TTLL7: variants seen among roughly 807,000 people sequenced by gnomAD.
TTLL7 encodes tubulin tyrosine ligase like 7.
In TTLL7, 53 loss-of-function variants were observed where a neutral mutation model predicts 120.2. The ratio of observed to expected loss-of-function variants is 0.44; its 90% CI spans 0.35 to 0.55. TTLL7 has a LOEUF of 0.55. Among genes scored for constraint, TTLL7 ranks in the 20% least tolerant of loss-of-function variants. TTLL7 has a pLI of 0.00. For synonymous variants in TTLL7, 353 were observed against 351.7 expected (o/e 1.00, Z -0.04); for missense variants, 803 against 1,054.7 (o/e 0.76, Z 3.31).
chr1:83,929,648 TC>T (rs1407657228), intron 9 of TTLL7, among the ~76,000 whole-genome samples: 12 of 152,154 alleles, frequency 7.9e-5, no homozygotes, highest in African/African-American at 2.7e-4. Flanking sequence ...ATTATATACA[TC>T]TATATATTTA....
At chr1:83,892,266 A>G (rs1268479415) in intron 18 of TTLL7, among the ~76,000 whole-genome samples, 68 of 111,144 alleles carry the variant, frequency 6.1e-4, no homozygotes, top group Admixed American at 1.4e-3. Context: ...GAATATATAT[A>G]CGAATATATA....
In TTLL7 at chr1:83,883,196, A is replaced by G. The variant is rs1654666735; in HGVS notation, c.2370-60T>C. 3.6e-6 allele frequency: 5 copies of G among 1,401,530 alleles called. No individual in the cohort carries two copies. The Admixed American group carries it at 7.1e-5, about 20-fold the overall frequency. The allele number at this position is 1,401,530 out of a possible 1,614,324, so 86.8% of individuals were successfully genotyped here. On this transcript the variant is annotated intron_variant, in intron 19 of 20. Coordinates refer to ENST00000260505, the MANE Select transcript of TTLL7 (RefSeq NM_024686.6). Reference sequence around the variant, plus strand: ...GCTGTTAAAAATGACAACCAGCTATATATCACTTCCCTAGCAACAAACCAA... The same window carrying G: ...GCTGTTAAAAATGACAACCAGCTATGTATCACTTCCCTAGCAACAAACCAA...
chr1:83,915,039 G>T (rs1217779096), intron 14 of TTLL7, among the ~76,000 whole-genome samples: 1 of 152,144 alleles, frequency 6.6e-6, no homozygotes, highest in Admixed American at 6.5e-5. Flanking sequence ...GCAGGAGAAA[G>T]AAAGAAGGGA....
At chr1:83,990,822 T>C (rs1652928041) in intron 1 of TTLL7, among the ~76,000 whole-genome samples, 1 of 152,190 alleles carries the variant, frequency 6.6e-6, no homozygotes, top group Non-Finnish European at 1.5e-5. Context: ...AACTACCATA[T>C]ACTCCAGCAA....
chr1:83,991,911 C>T (rs1653037788), intron 1 of TTLL7, among the ~76,000 whole-genome samples: 4 of 152,012 alleles, frequency 2.6e-5, no homozygotes, highest in Admixed American at 1.3e-4. Context: ...TATTCTAAGT[C>T]CTTGTAGGTT....
At position 83,867,162 on chromosome 1, in the gene TTLL7, A is replaced by G. The variant is rs922250182; in HGVS notation, c.*2800T>C. The G allele has an allele frequency of 1.3e-5, 2 of 152,016 alleles. No individual in the cohort carries two copies. Among genetic ancestry groups the G allele is most frequent in the African/African-American group, 4.8e-5 (2 of 41,444 alleles). 9.4% of individuals were successfully genotyped at this position (152,016 alleles called of 1,614,324 possible). ...CACCTGTACAATCACTTATGCTTATATGTTTTAACCTATGAATAAAAATTT... is the reference window on the plus strand; with the variant it reads ...CACCTGTACAATCACTTATGCTTATGTGTTTTAACCTATGAATAAAAATTT... On this transcript the variant is annotated 3_prime_UTR_variant, in exon 21 of 21. Coordinates refer to ENST00000260505, the MANE Select transcript of TTLL7 (RefSeq NM_024686.6).
At chr1:83,944,119 G>T (rs1052311430) in intron 6 of TTLL7, among the ~76,000 whole-genome samples, 1 of 151,236 alleles carries the variant, frequency 6.6e-6, no homozygotes, top group African/African-American at 2.4e-5. Context: ...GGAACAGAAA[G>T]AAAAAAGAAG....
At chr1:83,870,291 A>G (rs1247163641) in intron 20 of TTLL7, among the ~76,000 whole-genome samples, 1 of 152,202 alleles carries the variant, frequency 6.6e-6, no homozygotes, top group Non-Finnish European at 1.5e-5. Flanking sequence ...GCATCCCAAG[A>G]CATCCCATAA....
At chr1:83,889,898 C>T (rs1655303029) in intron 19 of TTLL7, 1 of 456,656 alleles carries the variant, frequency 2.2e-6, no homozygotes, top group Admixed American at 2.4e-5. Context: ...TAAGGGAAGC[C>T]AAGAAAGGAA....
At chr1:83,984,838 G>A (rs1490996120) in intron 1 of TTLL7, among the ~76,000 whole-genome samples, 3 of 152,058 alleles carry the variant, frequency 2.0e-5, no homozygotes, top group African/African-American at 7.2e-5. Context: ...CTCACTAAAT[G>A]GGTTATGGGA....
chr1:83,913,030 G>C (rs1451488603), intron 14 of TTLL7: 2 of 152,126 alleles, frequency 1.3e-5, no homozygotes, highest in South Asian at 2.1e-4. Flanking sequence ...TACATAATGA[G>C]TTATTCGACC....
intron 1 of TTLL7, among the ~76,000 whole-genome samples, chr1:83,956,268 T>A (rs926462750): frequency 2.0e-4 from 30 of 150,368 alleles, no homozygotes; most frequent in Non-Finnish European, 4.0e-4. Flanking sequence ...TTATTATTAT[T>A]TTTATTTATT....
At chr1:83,870,900 ACTT>A (rs769937909) in intron 20 of TTLL7, among the ~76,000 whole-genome samples, 3 of 150,876 alleles carry the variant, frequency 2.0e-5, no homozygotes, top group Non-Finnish European at 4.4e-5. Context: ...CAAGAGTGAG[ACTT>A]CATCTCAAAA....
chr1:83,953,875 T>C (rs987335223), intron 1 of TTLL7, among the ~76,000 whole-genome samples: 2 of 152,162 alleles, frequency 1.3e-5, no homozygotes, highest in Non-Finnish European at 2.9e-5. Flanking sequence ...CCGCAAGATA[T>C]GGCCATATTC....
At chr1:83,976,153 C>T (rs1651468144) in intron 1 of TTLL7, among the ~76,000 whole-genome samples, 1 of 151,284 alleles carries the variant, frequency 6.6e-6, no homozygotes, top group South Asian at 2.1e-4. Flanking sequence ...GAAAGATATT[C>T]GAACTAGAGA....
At chr1:83,911,461 T>C in intron 14 of TTLL7, 98 bp from the exon 15 acceptor site, 1 of 959,540 alleles carries the variant, frequency 1.0e-6, no homozygotes, top group Non-Finnish European at 1.5e-6. Context: ...TGCTTGCTGC[T>C]TTTTACTGAA....
intron 1 of TTLL7, among the ~76,000 whole-genome samples, chr1:83,963,636 T>C (rs976939576): frequency 6.6e-6 from 1 of 152,088 alleles, no homozygotes; most frequent in African/African-American, 2.4e-5. Flanking sequence ...CTTACATGTT[T>C]CCTCCATGAG....
rs1162787640 is a variant in TTLL7 at position 83,917,625 on chromosome 1, A to C, written c.1566T>G (p.Thr522=). The C allele has an allele frequency of 6.2e-7, 1 of 1,612,890 alleles. No individual in the cohort carries two copies. The highest frequency in any genetic ancestry group is 8.5e-7 in the Non-Finnish European group (1 of 1,179,116). The change falls in exon 14 of 21, where the codon ACT becomes ACG. Residue 522 remains threonine (T), a synonymous_variant. Transcript: ENST00000260505. The part of the protein sequence containing the change: ...EIDDEKLMGK[T]TKTRGPKPLC... ...GCACCTTTGGTCCTCGAGTCTTGGTAGTTTTTCCCATCAACTTTTCATCAT... is the reference window on the plus strand; with the variant it reads ...GCACCTTTGGTCCTCGAGTCTTGGTCGTTTTTCCCATCAACTTTTCATCAT...
intron 18 of TTLL7, among the ~76,000 whole-genome samples, chr1:83,894,073 G>A (rs1656015813): frequency 6.6e-6 from 1 of 151,908 alleles, no homozygotes; most frequent in Non-Finnish European, 1.5e-5. Context: ...ATTTTTTAGT[G>A]TAGAAAGCAG....
Sources: allele counts gnomAD v4.1 joint callset (sites outside exome capture counted in the v4.1 genomes callset), GRCh38; gene constraint gnomAD v4.1.1; transcripts MANE v1.5; gene names NCBI Gene and HGNC (gene_info 2026-07-23, HGNC 2026-07-21).